Variants in DHX58 observed in about 807,000 individuals in gnomAD.
DHX58 encodes the protein ATP-dependent RNA helicase DHX58.
DHX58 carries 51 observed loss-of-function variants against 65.0 expected under a neutral mutation model. The observed-to-expected ratio is 0.78, with a 90% CI of 0.63 to 0.99. The LOEUF is 0.99. DHX58 is among the 50% of genes least tolerant of loss of function. The pLI, the probability that DHX58 is intolerant of heterozygous loss-of-function variation, is 0.00. For synonymous variants in DHX58, 350 were observed against 365.0 expected, an observed-to-expected ratio of 0.96 and a Z score of 0.47; for missense variants, 773 against 891.8, an observed-to-expected ratio of 0.87 and a Z score of 1.70.
chr17:42,112,222 G>T lies in DHX58; in HGVS notation c.-94-17C>A. 1 of 229,162 alleles carries T rather than the reference G, an allele frequency of 4.4e-6. No homozygotes were observed. Among genetic ancestry groups the T allele is most frequent in the South Asian group, 1.5e-4 (1 of 6,456 alleles). The allele number at this position is 229,162 out of a possible 1,614,324, so 14.2% of individuals were successfully genotyped here. On this transcript the variant is annotated splice_polypyrimidine_tract_variant and intron_variant, in intron 1 of 13. Transcript: ENST00000251642. ...AAACTGAAACTGAGGGAAGGAGCCA[G>T]CTGAGCCGACTTAGGAATCTCCCAT...
intron 9 of DHX58, 138 bp downstream of exon 9, chr17:42,105,598 C>T: frequency 1.4e-6 from 2 of 1,462,092 alleles, no homozygotes; most frequent in Non-Finnish European, 1.8e-6. Context: ...GCTCCTTGCC[C>T]CTCTGCCTGG....
chr17:42,104,950 T>C (rs782673792), intron 10 of DHX58, 23 bp from the exon 11 acceptor site: 2 of 1,613,564 alleles, frequency 1.2e-6, no homozygotes, highest in Non-Finnish European at 1.7e-6. Flanking sequence ...ACAAGGGGTG[T>C]CCTGAGTTGG....
Position 42,101,823 on chromosome 17 carries a change from C to A in DHX58, c.1975G>T (p.Val659Leu), listed in dbSNP as rs782024476. ...TGCTGCAGGAAGTCAAAGTCAGGCACGGAGAAGGGCACGCGGGACCACTTT... is the reference window on the plus strand; with the variant it reads ...TGCTGCAGGAAGTCAAAGTCAGGCAAGGAGAAGGGCACGCGGGACCACTTT... Reference protein sequence around the residue: ...AKKWSRVPFSVPDFDFLQHCA... With the variant: ...AKKWSRVPFSLPDFDFLQHCA... Residue 659 changes from valine to leucine, a missense_variant, in exon 14 of 14, where the codon GTG becomes TTG. Physicochemically the swap from Val to Leu is conservative, Grantham distance 32. Transcript: ENST00000251642. 2.5e-6 allele frequency: 4 copies of A among 1,614,244 alleles called. No homozygotes were observed. The highest frequency in any genetic ancestry group is 3.4e-6 in the Non-Finnish European group (4 of 1,180,046).
chr17:42,107,603 C>T lies in DHX58; in HGVS notation c.997+1G>A, dbSNP rs782567601. On this transcript the variant is annotated splice_donor_variant, in intron 8 of 13. Transcript: ENST00000251642. LOFTEE classifies it high-confidence loss of function. ...CCCCGAAGCCCCCTCCCGCCCCTCA[C>T]CATCGAACAGGGCCAGCAGCCGGCG... 6.3e-7 allele frequency: 1 copy of T among 1,587,138 alleles called. No individual in the cohort carries two copies. Among genetic ancestry groups the T allele is most frequent in the Non-Finnish European group, 8.6e-7 (1 of 1,163,780 alleles).
intron 9 of DHX58, among the ~76,000 whole-genome samples, 176 bp from the exon 10 acceptor site, chr17:42,105,343 C>T (rs1199049483): frequency 2.0e-5 from 3 of 152,034 alleles, no homozygotes; most frequent in Non-Finnish European, 2.9e-5. Context: ...TGCCCATCTT[C>T]CCAGGTAACT....
intron 11 of DHX58, 40 bp downstream of exon 11, chr17:42,104,726 T>C: frequency 6.2e-7 from 1 of 1,606,688 alleles, no homozygotes; most frequent in Non-Finnish European, 8.5e-7. Context: ...GGCTCCCTCC[T>C]CCCCATCCCT....
At chr17:42,104,679 G>A in intron 11 of DHX58, 87 bp downstream of exon 11, 1 of 1,533,532 alleles carries the variant, frequency 6.5e-7, no homozygotes, top group Non-Finnish European at 8.8e-7. Flanking sequence ...AGGGGACAGG[G>A]GGACGTATGT....
At chr17:42,112,080 C>T (rs2054166102) in intron 2 of DHX58, 33 bp downstream of exon 2, 3 of 686,638 alleles carry the variant, frequency 4.4e-6, no homozygotes, top group Middle Eastern at 4.1e-4. Flanking sequence ...GTAACACAGG[C>T]TACACCTGCC....
Position 42,112,194 on chromosome 17 carries a change from T to C in DHX58, c.-83A>G, listed in dbSNP as rs190597324. On this transcript the variant is annotated 5_prime_UTR_variant, in exon 2 of 14. Transcript: ENST00000251642. ...CTCTGCTCAGCTCAGAGACCCAAGA[T>C]GGAAACTGAAACTGAGGGAAGGAGC... 0.013 allele frequency: 3,479 copies of C among 267,604 alleles called. 40 individuals are homozygous for C. The highest frequency in any genetic ancestry group is 0.015 in the Non-Finnish European group (2,208 of 142,762). 16.6% of individuals were successfully genotyped at this position (267,604 alleles called of 1,614,324 possible).
At chr17:42,109,194 C>T in intron 6 of DHX58, 76 bp downstream of exon 6, 3 of 1,271,322 alleles carry the variant, frequency 2.4e-6, no homozygotes, top group Non-Finnish European at 3.3e-6. Context: ...CTAGTGAGGG[C>T]AGAGTCAGGG....
intron 3 of DHX58, 63 bp downstream of exon 3, chr17:42,111,662 G>C (rs1555664312): frequency 6.4e-7 from 1 of 1,573,700 alleles, no homozygotes; most frequent in African/African-American, 1.3e-5. Context: ...GGGACTGGGA[G>C]ATGCCTGAAG....
Position 42,111,377 on chromosome 17 carries a change from GGC to G in DHX58, c.287_288del (p.Cys96SerfsTer2). 2 of 1,614,200 alleles carry G rather than the reference GGC, an allele frequency of 1.2e-6. No individual in the cohort carries two copies. Among genetic ancestry groups the G allele is most frequent in the Non-Finnish European group, 1.7e-6 (2 of 1,180,038 alleles). On this transcript the variant is annotated frameshift_variant, in exon 4 of 14. Transcript: ENST00000251642. LOFTEE classifies it high-confidence loss of function. ...TCTGCTGTGCAGATGAGCAGGTCAT[GGC>G]ACCGGGCCAGGTGGCCAAAGCCAGC... ...PRAGFGHLAR[C>X]HDLLICTAEL...
At chr17:42,107,469 T>C (rs2054078924) in intron 8 of DHX58, 135 bp downstream of exon 8, 1 of 1,028,192 alleles carries the variant, frequency 9.7e-7, no homozygotes, top group East Asian at 2.8e-5. Flanking sequence ...CCTTGGATTT[T>C]GGTTAGAAAA....
rs542126610 is a variant in DHX58, at chr17:42,108,168, G to C, written c.679-60C>G. 1.1e-3 allele frequency: 1,826 copies of C among 1,611,446 alleles called. 18 individuals are homozygous for C. Among genetic ancestry groups the C allele is most frequent in the Non-Finnish European group, 2.0e-4 (230 of 1,178,298 alleles). On this transcript the variant is annotated intron_variant, in intron 6 of 13. Transcript: ENST00000251642. ...CACGTTGGAGGATGGGCACCCAGTG[G>C]GGGTGCTGACCCCGGCGTGTAGCAC...
intron 12 of DHX58, chr17:42,103,304 A>G (rs782710679): frequency 7.7e-6 from 3 of 390,530 alleles, no homozygotes; most frequent in Non-Finnish European, 1.4e-5. Flanking sequence ...AGCTCTCTTG[A>G]TATCTTCGGA....
chr17:42,112,051 C>T (rs1256591753), intron 2 of DHX58, 62 bp downstream of exon 2: 3 of 910,744 alleles, frequency 3.3e-6, no homozygotes, highest in East Asian at 5.4e-5. Context: ...CCTGCTCTGC[C>T]CAAAAGGGGG....
At chr17:42,106,250 G>A (rs1175703980) in intron 8 of DHX58, among the ~76,000 whole-genome samples, 1 of 139,502 alleles carries the variant, frequency 7.2e-6, no homozygotes, top group African/African-American at 2.7e-5. Context: ...AAGAAAAAAA[G>A]GAAAAGAAAG....
At chr17:42,110,198 A>G (rs1370816557) in intron 5 of DHX58, among the ~76,000 whole-genome samples, 1 of 152,016 alleles carries the variant, frequency 6.6e-6, no homozygotes, top group African/African-American at 2.4e-5. Context: ...AAAAAAAAAA[A>G]AAAAAAGAAA....
At position 42,101,886 on chromosome 17, in the gene DHX58, T is replaced by C. The variant is rs1278853744; in HGVS notation, c.1912A>G (p.Met638Val). Reference protein sequence around the residue: ...VKLPVLKVRSMLLETPQGRIQ... With the variant: ...VKLPVLKVRSVLLETPQGRIQ... ...CGCCCCTGAGGGGTCTCCAGCAGCATGCTGCGGACTTTGAGCACTGGCAGC... is the reference window on the plus strand; with the variant it reads ...CGCCCCTGAGGGGTCTCCAGCAGCACGCTGCGGACTTTGAGCACTGGCAGC... The change falls in exon 14 of 14, where the codon ATG becomes GTG. Residue 638 changes from methionine to valine, a missense_variant. Transcript: ENST00000251642. 8.1e-6 allele frequency: 13 copies of C among 1,614,124 alleles called. No individual in the cohort carries two copies. The highest frequency in any genetic ancestry group is 2.7e-5 in the African/African-American group (2 of 74,952).
Sources: allele counts gnomAD v4.1 joint callset (sites outside exome capture counted in the v4.1 genomes callset), GRCh38; gene constraint gnomAD v4.1.1; transcripts MANE v1.5; gene names NCBI Gene and HGNC (gene_info 2026-07-23, HGNC 2026-07-21).